The following ROBO1 variants were observed in gnomAD, a reference collection of about 807,000 sequenced individuals.
ROBO1 encodes roundabout guidance receptor 1, also known as roundabout homolog 1.
Under a neutral mutation model 195.9 loss-of-function variants are expected in ROBO1, and 149 were observed. That is an observed-to-expected ratio of 0.76 (90% CI 0.67 to 0.87). The LOEUF (loss-of-function observed/expected upper bound fraction) is 0.87. Among genes scored for constraint, ROBO1 ranks in the 40% least tolerant of loss-of-function variants. The probability of loss-of-function intolerance (pLI) is 0.00; values close to 1 mark genes in which losing one functional copy is unlikely to be tolerated. For synonymous variants in ROBO1, 816 were observed against 733.2 expected (o/e 1.11, Z -1.82); for missense variants, 1,933 against 2,068.3 (o/e 0.93, Z 1.27).
At chr3:78,846,126 T>C (rs929749210) in intron 4 of ROBO1, among the ~76,000 whole-genome samples, 1 of 152,152 alleles carries the variant, frequency 6.6e-6, no homozygotes, top group Non-Finnish European at 1.5e-5. Context: ...GATATAAATG[T>C]AAAATCTAAT....
At chr3:79,389,492 A>T (rs531668916) in intron 2 of ROBO1, among the ~76,000 whole-genome samples, 153 of 152,256 alleles carry the variant, frequency 1.0e-3, no homozygotes, top group African/African-American at 3.6e-3. Context: ...AGGAAAGAGG[A>T]AATAGAAAAT....
chr3:79,389,248 T>C, intron 2 of ROBO1, among the ~76,000 whole-genome samples: 1 of 152,100 alleles, frequency 6.6e-6, no homozygotes, highest in Non-Finnish European at 1.5e-5. Context: ...ATAATATAAC[T>C]ATAAAGAAAA....
chr3:79,517,994 A>G (rs2107565873), intron 2 of ROBO1, among the ~76,000 whole-genome samples: 1 of 152,270 alleles, frequency 6.6e-6, no homozygotes, highest in Admixed American at 6.5e-5. Flanking sequence ...GTTGGCTTGG[A>G]GAGCCATCTG....
chr3:79,460,529 T>C (rs2107256772), intron 2 of ROBO1, among the ~76,000 whole-genome samples: 1 of 152,290 alleles, frequency 6.6e-6, no homozygotes, highest in African/African-American at 2.4e-5. Context: ...TTAATGATCC[T>C]TGTCAAGAGT....
intron 4 of ROBO1, among the ~76,000 whole-genome samples, chr3:78,920,176 A>C (rs1397935286): frequency 6.6e-6 from 1 of 152,258 alleles, no homozygotes; most frequent in Non-Finnish European, 1.5e-5. Context: ...TTTAGTGAGA[A>C]GGTAATTGTC....
intron 4 of ROBO1, among the ~76,000 whole-genome samples, chr3:78,821,494 T>C (rs1330608001): frequency 6.7e-6 from 1 of 149,966 alleles, no homozygotes; most frequent in Non-Finnish European, 1.5e-5. Context: ...TGACATCCCA[T>C]CTGTGTAGTC....
chr3:78,819,166 C>T (rs2030551259), intron 4 of ROBO1, among the ~76,000 whole-genome samples: 1 of 152,140 alleles, frequency 6.6e-6, no homozygotes, highest in South Asian at 2.1e-4. Flanking sequence ...AATCCTTTGT[C>T]ACAGATGTTG....
chr3:79,087,501 CTTT>C (rs1191304780), intron 3 of ROBO1, among the ~76,000 whole-genome samples: 2 of 151,790 alleles, frequency 1.3e-5, no homozygotes, highest in East Asian at 3.9e-4. Context: ...TTTCCAGCTT[CTTT>C]CTCTTCCTTC....
At chr3:78,775,914 A>G (rs190500850) in intron 4 of ROBO1, among the ~76,000 whole-genome samples, 188 of 152,292 alleles carry the variant, frequency 1.2e-3, no homozygotes, top group African/African-American at 4.2e-3. Flanking sequence ...TCAGCATTTT[A>G]TTTCACAGAA....
chr3:78,614,629 T>C lies in ROBO1; in HGVS notation c.4435+19A>G. On this transcript the variant is annotated intron_variant, in intron 28 of 30. Transcript: ENST00000464233. ...TAGGCGAGATTCATAGACGTTTTCA[T>C]CCGTGTCAATGGACTCACCATCTGT... 6.2e-7 allele frequency: 1 copy of C among 1,612,250 alleles called. No homozygotes were observed. Among genetic ancestry groups the C allele is most frequent in the Non-Finnish European group, 8.5e-7 (1 of 1,178,832 alleles).
intron 2 of ROBO1, among the ~76,000 whole-genome samples, chr3:79,267,636 A>T (rs2030106120): frequency 6.6e-6 from 1 of 151,356 alleles, no homozygotes; most frequent in Non-Finnish European, 1.5e-5. Flanking sequence ...CTGCAGGTAA[A>T]ATAAATCTAC....
At chr3:79,250,759 T>G (rs1429240906) in intron 2 of ROBO1, among the ~76,000 whole-genome samples, 1 of 152,096 alleles carries the variant, frequency 6.6e-6, no homozygotes, top group Non-Finnish European at 1.5e-5. Context: ...TTTTAGCTAT[T>G]AAAAATGAAA....
chr3:78,872,247 C>A (rs2035594446), intron 4 of ROBO1, among the ~76,000 whole-genome samples: 1 of 152,186 alleles, frequency 6.6e-6, no homozygotes, highest in African/African-American at 2.4e-5. Flanking sequence ...CCATCCTCCA[C>A]CAAACCTGAC....
At chr3:79,058,327 T>A (rs1207350749) in intron 3 of ROBO1, among the ~76,000 whole-genome samples, 1 of 152,026 alleles carries the variant, frequency 6.6e-6, no homozygotes, top group Non-Finnish European at 1.5e-5. Context: ...AGAACAAAAA[T>A]CATCATTCTA....
At chr3:79,665,085 T>G (rs529709374) in intron 1 of ROBO1, among the ~76,000 whole-genome samples, 2 of 151,982 alleles carry the variant, frequency 1.3e-5, no homozygotes, top group African/African-American at 4.8e-5. Flanking sequence ...TCTTTAGAGA[T>G]ATAATTTAAA....
Position 79,661,790 on chromosome 3 carries a change from T to C in ROBO1, c.-50-71829A>G, listed in dbSNP as rs564483217. ...TGTCTTCTATATCACATTTTACATA[T>C]TGAAATTTCATGTCTTTGAAAATAA... On this transcript the variant is annotated intron_variant, in intron 1 of 30. Transcript: ENST00000464233. Among the ~76,000 whole-genome samples the C allele has an allele frequency of 7.9e-5, 12 of 152,206 alleles. No individual in the cohort carries two copies. In the South Asian group the frequency reaches 1.9e-3, roughly 24 times the overall value.
intron 4 of ROBO1, among the ~76,000 whole-genome samples, chr3:78,907,864 A>G (rs1425200442): frequency 2.6e-5 from 4 of 151,980 alleles, no homozygotes; most frequent in Non-Finnish European, 4.4e-5. Context: ...AAATCTTAAT[A>G]TGAAGAAAAA....
At chr3:79,247,371 A>G (rs960583350) in intron 2 of ROBO1, among the ~76,000 whole-genome samples, 15 of 150,540 alleles carry the variant, frequency 1.0e-4, no homozygotes, top group African/African-American at 3.4e-4. Flanking sequence ...TATTAACTTC[A>G]TCCTGTTCAG....
chr3:79,137,383 T>TAA lies in ROBO1; in HGVS notation c.89-11846_89-11845dup, dbSNP rs138810238. Among the ~76,000 whole-genome samples the TAA allele has an allele frequency of 5.5e-5, 8 of 146,552 alleles. No individual in the cohort carries two copies. The East Asian group carries it at 1.2e-3, about 22-fold the overall frequency. ...CCTGAGATGCCAGGACGTTACTAAA[T>TAA]AAAAAAAAAACAGATTTCACACAAT... On this transcript the variant is annotated intron_variant, in intron 2 of 30. Coordinates refer to ENST00000464233, the MANE Select transcript of ROBO1 (RefSeq NM_002941.4).
Sources: allele counts gnomAD v4.1 joint callset (sites outside exome capture counted in the v4.1 genomes callset), GRCh38; gene constraint gnomAD v4.1.1; transcripts MANE v1.5; gene names NCBI Gene and HGNC (gene_info 2026-07-23, HGNC 2026-07-21).